The following TMEM132C variants were observed in gnomAD, a reference collection of about 807,000 sequenced individuals.
TMEM132C encodes the protein protein phosphatase 1, regulatory subunit 152.
TMEM132C carries 29 observed loss-of-function variants against 61.4 expected under a neutral mutation model. The observed-to-expected ratio is 0.47, with a 90% confidence interval of 0.35 to 0.64. The LOEUF (loss-of-function observed/expected upper bound fraction) is 0.64. Ranked by LOEUF, TMEM132C falls within the 30% of genes least tolerant of loss-of-function variation. The probability of loss-of-function intolerance (pLI) is 0.00; values close to 1 mark genes in which losing one functional copy is unlikely to be tolerated. For synonymous variants in TMEM132C, 656 were observed against 633.1 expected (o/e 1.04, Z -0.54); for missense variants, 1,408 against 1,476.9 (o/e 0.95, Z 0.76).
chr12:128,656,144 G>A (rs539217214), intron 4 of TMEM132C, among the ~76,000 whole-genome samples: 4 of 152,212 alleles, frequency 2.6e-5, no homozygotes, highest in Non-Finnish European at 2.9e-5. Context: ...TCTGCCTCCC[G>A]GGCACAAGCG....
At chr12:128,433,483 T>A (rs1231954192) in intron 2 of TMEM132C, among the ~76,000 whole-genome samples, 6 of 152,222 alleles carry the variant, frequency 3.9e-5, no homozygotes, top group African/African-American at 1.2e-4. Context: ...AAGAAAAAAA[T>A]TATCCTGCCT....
intron 4 of TMEM132C, among the ~76,000 whole-genome samples, chr12:128,640,337 A>G (rs985481931): frequency 6.6e-6 from 1 of 152,214 alleles, no homozygotes; most frequent in Non-Finnish European, 1.5e-5. Flanking sequence ...AGCATGGATG[A>G]GACTTGAAAA....
chr12:128,513,139 C>A (rs1240989164), intron 2 of TMEM132C, among the ~76,000 whole-genome samples: 1 of 152,006 alleles, frequency 6.6e-6, no homozygotes, highest in East Asian at 1.9e-4. Flanking sequence ...CCAGAATGGA[C>A]CCTCTGGGGA....
intron 5 of TMEM132C, among the ~76,000 whole-genome samples, chr12:128,688,786 G>C (rs1489242811): frequency 6.6e-6 from 1 of 152,096 alleles, no homozygotes; most frequent in Non-Finnish European, 1.5e-5. Flanking sequence ...AAAAAATAAA[G>C]CCTTAAAAAC....
At chr12:128,650,847 C>T (rs1445811666) in intron 4 of TMEM132C, among the ~76,000 whole-genome samples, 1 of 152,180 alleles carries the variant, frequency 6.6e-6, no homozygotes, top group Admixed American at 6.5e-5. Context: ...TGAAATGTCC[C>T]ATTTACATGG....
chr12:128,670,733 G>A (rs1266767805), intron 5 of TMEM132C, among the ~76,000 whole-genome samples: 2 of 152,182 alleles, frequency 1.3e-5, no homozygotes, highest in Non-Finnish European at 1.5e-5. Flanking sequence ...GCCTACTGTA[G>A]CTAAGCAGGT....
intron 1 of TMEM132C, among the ~76,000 whole-genome samples, chr12:128,338,251 G>A (rs542086720): frequency 6.6e-6 from 1 of 152,308 alleles, no homozygotes; most frequent in South Asian, 2.1e-4. Context: ...ATCACAGAGA[G>A]TGGGAAATTA....
intron 4 of TMEM132C, among the ~76,000 whole-genome samples, chr12:128,663,843 TGCAC>T (rs1249475557): frequency 1.5e-5 from 2 of 132,620 alleles, no homozygotes; most frequent in Non-Finnish European, 1.6e-5. Context: ...CCCACCCACA[TGCAC>T]GCACGCAGGC....
intron 3 of TMEM132C, among the ~76,000 whole-genome samples, chr12:128,577,232 AT>A (rs1439885945): frequency 5.3e-5 from 8 of 152,198 alleles, no homozygotes; most frequent in African/African-American, 1.9e-4. Context: ...TTCATGGTTT[AT>A]TCATATGATA....
intron 2 of TMEM132C, among the ~76,000 whole-genome samples, chr12:128,517,896 A>C (rs1378712319): frequency 2.6e-5 from 4 of 152,218 alleles, no homozygotes; most frequent in Non-Finnish European, 4.4e-5. Flanking sequence ...GGAAGGCCTC[A>C]GACAGATCCA....
chr12:128,424,047 A>AG (rs1491092406), intron 2 of TMEM132C, among the ~76,000 whole-genome samples: 4 of 15,996 alleles, frequency 2.5e-4, no homozygotes, highest in Non-Finnish European at 9.5e-4. Flanking sequence ...ACTCTGTCTC[A>AG]AAAAAAAAAA....
chr12:128,600,004 A>T (rs1215837939), intron 3 of TMEM132C, among the ~76,000 whole-genome samples: 1 of 151,942 alleles, frequency 6.6e-6, no homozygotes, highest in African/African-American at 2.4e-5. Flanking sequence ...TGTTTTTTTG[A>T]GACAGAGTCT....
At chr12:128,329,632 T>A (rs151049853) in intron 1 of TMEM132C, among the ~76,000 whole-genome samples, 1,553 of 152,200 alleles carry the variant, frequency 0.01, 14 homozygotes, top group Middle Eastern at 0.031. Flanking sequence ...TGCCCCTTGA[T>A]CAGAAGATGG....
chr12:128,630,704 G>A lies in TMEM132C; in HGVS notation c.1305+14369G>A, dbSNP rs946537105. 1.3e-5 allele frequency among the ~76,000 whole-genome samples: 2 copies of A among 152,072 alleles called. No homozygotes were observed. The highest frequency in any genetic ancestry group is 2.4e-5 in the African/African-American group (1 of 41,396). ...CCAGATCACTGCTCAATATCTAGTCGATGGCCAAAACATATCTACATTGAA... is the reference window on the plus strand; with the variant it reads ...CCAGATCACTGCTCAATATCTAGTCAATGGCCAAAACATATCTACATTGAA... On this transcript the variant is annotated intron_variant, in intron 4 of 8. Coordinates refer to ENST00000435159, the MANE Select transcript of TMEM132C (RefSeq NM_001136103.3). The surrounding 1 kb of genome is among the most constrained non-coding windows in gnomAD (Gnocchi z 4.3).
chr12:128,290,602 C>G lies in TMEM132C; in HGVS notation c.85+23115C>G, dbSNP rs373886236. 4.0e-4 allele frequency among the ~76,000 whole-genome samples: 61 copies of G among 152,262 alleles called. 1 individual carries two copies. In the South Asian group the frequency reaches 0.013, roughly 32 times the overall value. On this transcript the variant is annotated intron_variant, in intron 1 of 8. Coordinates refer to ENST00000435159, the MANE Select transcript of TMEM132C (RefSeq NM_001136103.3). ...CATTGAATTGTCAAATAGGGTCCCC[C>G]CTGGCCAGGTGCTGAATTATTCCAG...
chr12:128,643,453 G>A (rs79942189), intron 4 of TMEM132C, among the ~76,000 whole-genome samples: 2,648 of 151,824 alleles, frequency 0.017, 74 homozygotes, highest in African/African-American at 0.06. Context: ...ACGAAACCTC[G>A]GCTGAGGAAC....
intron 2 of TMEM132C, among the ~76,000 whole-genome samples, chr12:128,444,054 C>T (rs1869886033): frequency 6.6e-6 from 1 of 152,102 alleles, no homozygotes; most frequent in Non-Finnish European, 1.5e-5. Flanking sequence ...CTTGTAAGTA[C>T]CTGAAACTAC....
chr12:128,705,384 T>G lies in TMEM132C; in HGVS notation c.2416T>G (p.Ser806Ala). 5.8e-6 allele frequency: 9 copies of G among 1,551,288 alleles called. No individual in the cohort carries two copies. The highest frequency in any genetic ancestry group is 7.8e-6 in the Non-Finnish European group (9 of 1,146,980). Residue 806 changes from serine (S) to alanine (A), a missense_variant, in exon 9 of 9, where the codon TCC becomes GCC. Physicochemically the swap from Ser to Ala is moderately conservative, Grantham distance 99. Transcript: ENST00000435159. ...RVKFGQNDADSSPGGDYEEDE... is the reference protein window; with the variant it reads ...RVKFGQNDADASPGGDYEEDE... Reference sequence around the variant, plus strand: ...CAAGTTCGGACAGAACGATGCTGACTCCAGCCCCGGCGGGGACTATGAGGA... The same window carrying G: ...CAAGTTCGGACAGAACGATGCTGACGCCAGCCCCGGCGGGGACTATGAGGA...
At chr12:128,478,772 G>A (rs1048803396) in intron 2 of TMEM132C, among the ~76,000 whole-genome samples, 22 of 152,146 alleles carry the variant, frequency 1.4e-4, no homozygotes, top group African/African-American at 4.8e-4. Context: ...GGACTCAGAC[G>A]CATCTGCTCA....
Sources: gnomAD v4.1 joint callset for allele counts (sites outside exome capture counted in the v4.1 genomes callset) on GRCh38, gnomAD v4.1.1 for gene constraint, Gnocchi (gnomAD v3.1) non-coding constraint, MANE v1.5 for transcripts, NCBI Gene and HGNC (gene_info 2026-07-23, HGNC 2026-07-21) for gene names.